The following AMDHD1 variants were observed in gnomAD, a reference collection of about 807,000 sequenced individuals.
The protein encoded by AMDHD1 is probable imidazolonepropionase.
A neutral mutation model predicts 44.1 loss-of-function variants in AMDHD1; 45 were observed. The observed-to-expected ratio is 1.02, with a 90% CI of 0.80 to 1.31. The LOEUF is 1.31. AMDHD1 is among the 50% of genes most tolerant of loss of function. The pLI is 0.00. For synonymous variants in AMDHD1, 206 were observed against 205.0 expected (o/e 1.00, Z -0.04); for missense variants, 586 against 552.1 (o/e 1.06, Z -0.61).
intron 6 of AMDHD1, 40 bp downstream of exon 6, chr12:95,962,519 C>A: frequency 6.4e-7 from 1 of 1,571,378 alleles, no homozygotes; most frequent in Admixed American, 1.8e-5. Context: ...GCTGCAAGTA[C>A]AAGCTGTGAA....
Position 95,968,046 on chromosome 12 carries a change from A to T in AMDHD1, c.*203A>T. The T allele has an allele frequency of 5.5e-6, 2 of 363,192 alleles. 1 individual carries two copies. The highest frequency in any genetic ancestry group is 1.2e-4 in the South Asian group (2 of 16,938). 22.5% of individuals were successfully genotyped at this position (363,192 alleles called of 1,614,324 possible). On this transcript the variant is annotated 3_prime_UTR_variant, in exon 9 of 9. Coordinates refer to ENST00000266736, the MANE Select transcript of AMDHD1 (RefSeq NM_152435.3). The stretch of plus-strand genomic sequence containing the variant: ...ATTTGACATATAAACAGGTAAACCT[A>T]TTGTGATTAAAATCACAAAACATCC...
In AMDHD1 at chr12:95,965,755, C is replaced by T; in HGVS notation, c.1008C>T (p.Asn336=). The T allele has an allele frequency of 6.2e-7, 1 of 1,612,266 alleles. No individual in the cohort carries two copies. Among genetic ancestry groups the T allele is most frequent in the African/African-American group, 1.3e-5 (1 of 75,014 alleles). ...GVIVALGSDF[N]PNAYCFSMPM... ...TAGTTGCTCTGGGAAGTGATTTCAACCCCAATGCATATTGCTTTTCAATGG... is the reference window on the plus strand; with the variant it reads ...TAGTTGCTCTGGGAAGTGATTTCAATCCCAATGCATATTGCTTTTCAATGG... The change falls in exon 7 of 9, where the codon AAC becomes AAT. Residue 336 remains asparagine (N), a synonymous_variant. Coordinates refer to ENST00000266736, the MANE Select transcript of AMDHD1 (RefSeq NM_152435.3).
chr12:95,960,594 G>A lies in AMDHD1; in HGVS notation c.784G>A (p.Asp262Asn), dbSNP rs1342331313. The change falls in exon 5 of 9, where the codon GAT (aspartate) becomes AAT (asparagine). Residue 262 changes from aspartate to asparagine, a missense_variant. Coordinates refer to ENST00000266736, the MANE Select transcript of AMDHD1 (RefSeq NM_152435.3). ...AGGGTTACAGATTAACTTCCATGGG[G>A]ATGAACTCCACCCGATGAAGGCTGC... ...DIGLQINFHG[D>N]ELHPMKAAEL... The A allele has an allele frequency of 6.2e-7, 1 of 1,614,202 alleles. No homozygotes were observed.
chr12:95,960,301 C>A, intron 4 of AMDHD1, 97 bp from the exon 5 acceptor site: 1 of 1,023,672 alleles, frequency 9.8e-7, no homozygotes, highest in Non-Finnish European at 1.4e-6. Flanking sequence ...AGTCATTTAC[C>A]TCTACTGCTC....
At chr12:95,954,573 T>TAAATAAATA (rs573443192) in intron 2 of AMDHD1, among the ~76,000 whole-genome samples, 3,904 of 147,122 alleles carry the variant, frequency 0.027, 169 homozygotes, top group African/African-American at 0.09. Flanking sequence ...TTCTCAAAAA[T>TAAATAAATA]AAATAAAATA....
chr12:95,943,505 T>G lies in AMDHD1; in HGVS notation c.107T>G (p.Val36Gly), dbSNP rs2080475954. Residue 36 changes from valine (V) to glycine (G), a missense_variant, in exon 1 of 9, where the codon GTG (valine) becomes GGG (glycine). Transcript: ENST00000266736. ...LARDALRSLA[V>G]LEGASLVVGK... is the part of the protein sequence containing the mutation. ...CGGGATGCGCTGCGCAGCCTGGCGG[T>G]GCTGGAAGGCGCCAGCCTGGTGGTG... 1 of 1,493,022 alleles carries G rather than the reference T, an allele frequency of 6.7e-7. No individual in the cohort carries two copies. The highest frequency in any genetic ancestry group is 1.5e-5 in the African/African-American group (1 of 68,650). The allele number at this position is 1,493,022 out of a possible 1,614,324, so 92.5% of individuals were successfully genotyped here. A position where few individuals can be genotyped will look rare whatever the true frequency, so the allele number is the denominator to read the frequency against.
At position 95,954,995 on chromosome 12, in the gene AMDHD1, G is replaced by T. The variant is rs2136763687; in HGVS notation, c.309+20G>T. The T allele has an allele frequency of 6.2e-7, 1 of 1,612,626 alleles. No individual in the cohort carries two copies. Among genetic ancestry groups the T allele is most frequent in the South Asian group, 1.1e-5 (1 of 90,978 alleles). On this transcript the variant is annotated intron_variant, in intron 3 of 8. Transcript: ENST00000266736. ...ATGAAGGTAACTGCAACAAATCATGGCAAATCAAAATAAAGCACAAATATG... is the reference window on the plus strand; with the variant it reads ...ATGAAGGTAACTGCAACAAATCATGTCAAATCAAAATAAAGCACAAATATG...
At chr12:95,955,095 T>C in intron 3 of AMDHD1, 120 bp downstream of exon 3, 1 of 988,588 alleles carries the variant, frequency 1.0e-6, no homozygotes, top group Non-Finnish European at 1.5e-6. Context: ...TGGATATTTT[T>C]ACTTGCTTGG....
rs1297430035 is a variant in AMDHD1 at position 95,960,542 on chromosome 12, A to G, written c.732A>G (p.Arg244=). The G allele has an allele frequency of 6.2e-7, 1 of 1,614,190 alleles. No individual in the cohort carries two copies. Residue 244 remains arginine, a synonymous_variant, in exon 5 of 9, where the codon AGA becomes AGG. Transcript: ENST00000266736. The part of the protein sequence containing the change: ...EKGVFDLDST[R]RILQRGKDIG... ...GTGTCTTTGATCTCGATTCCACCAG[A>G]AGGATTCTTCAACGTGGAAAAGATA... is the stretch of plus-strand genomic sequence containing the variant.
chr12:95,949,968 G>A (rs2080519029), intron 1 of AMDHD1, among the ~76,000 whole-genome samples: 3 of 152,160 alleles, frequency 2.0e-5, no homozygotes. Flanking sequence ...GGGTCAGGAA[G>A]AGGACCCAGT....
intron 1 of AMDHD1, among the ~76,000 whole-genome samples, chr12:95,948,348 T>A (rs367993898): frequency 3.5e-5 from 1 of 28,326 alleles, no homozygotes; most frequent in Non-Finnish European, 6.0e-5. Context: ...CCGCCCCGTC[T>A]GGGAGGGAGG....
At chr12:95,953,854 T>C (rs144890678) in intron 2 of AMDHD1, among the ~76,000 whole-genome samples, 1,605 of 152,276 alleles carry the variant, frequency 0.011, 24 homozygotes, top group Middle Eastern at 0.054. Context: ...GTGCTGGTAT[T>C]ATAGGCATGA....
At chr12:95,963,944 C>G (rs4762656) in intron 6 of AMDHD1, among the ~76,000 whole-genome samples, 80,946 of 151,046 alleles carry the variant, frequency 0.54, 22,242 homozygotes, top group African/African-American at 0.66. Flanking sequence ...CAGGAGAATC[C>G]CTTGAACCCA....
rs1270482807 is a variant in AMDHD1 at position 95,966,384 on chromosome 12, A to C, written c.1069A>C (p.Met357Leu). 2 of 1,614,236 alleles carry C rather than the reference A, an allele frequency of 1.2e-6. No individual in the cohort carries two copies. Among genetic ancestry groups the C allele is most frequent in the Non-Finnish European group, 1.7e-6 (2 of 1,180,046 alleles). Residue 357 changes from methionine (M) to leucine (L), a missense_variant, in exon 8 of 9, where the codon ATG becomes CTG. Coordinates refer to ENST00000266736, the MANE Select transcript of AMDHD1 (RefSeq NM_152435.3). ...GCATCTGGCCTGTGTAAACATGAGA[A>C]TGTCCATGCCTGAGGCCTTGGCCGC... The part of the protein sequence containing the change: ...VMHLACVNMR[M>L]SMPEALAAAT...
rs568879403 is a variant in AMDHD1 at position 95,968,405 on chromosome 12, GA to G, written c.*563del. ...TAAGGTCTTCTCAATCTCAGCAATA[GA>G]GCTTCCCAGCAGCGTTCAAGACACA... On this transcript the variant is annotated 3_prime_UTR_variant, in exon 9 of 9. Coordinates refer to ENST00000266736, the MANE Select transcript of AMDHD1 (RefSeq NM_152435.3). The G allele has an allele frequency of 9.2e-5, 14 of 152,840 alleles. No individual in the cohort carries two copies. Among genetic ancestry groups the G allele is most frequent in the African/African-American group, 3.1e-4 (13 of 41,558 alleles). The allele number at this position is 152,840 out of a possible 1,614,324, so 9.5% of individuals were successfully genotyped here.
chr12:95,949,592 C>T (rs1305882135), intron 1 of AMDHD1, among the ~76,000 whole-genome samples: 1 of 152,148 alleles, frequency 6.6e-6, no homozygotes, highest in Non-Finnish European at 1.5e-5. Context: ...GTCACTCAAA[C>T]CCCATCATTA....
Position 95,960,436 on chromosome 12 carries a change from A to T in AMDHD1, c.626A>T (p.Asn209Ile). Residue 209 changes from asparagine to isoleucine, a missense_variant, in exon 5 of 9, where the codon AAT becomes ATT. By Grantham distance (149) the Asn-to-Ile change is moderately radical (BLOSUM62 -3). Transcript: ENST00000266736. ...ACTGAAGCTGCTGATGACATCATCA[A>T]TAACCACCTCCCAAAGCTGAAGGAA... Reference protein sequence around the residue: ...TATEAADDIINNHLPKLKELG... With the variant: ...TATEAADDIIINHLPKLKELG... The T allele has an allele frequency of 1.2e-6, 2 of 1,614,224 alleles. No homozygotes were observed. Among genetic ancestry groups the T allele is most frequent in the South Asian group, 1.1e-5 (1 of 91,080 alleles).
At chr12:95,951,259 G>A (rs2080524769) in intron 1 of AMDHD1, among the ~76,000 whole-genome samples, 1 of 151,836 alleles carries the variant, frequency 6.6e-6, no homozygotes, top group Non-Finnish European at 1.5e-5. Flanking sequence ...CCAGCCTCTG[G>A]TAACCATCAT....
chr12:95,946,061 C>CTGTGTGTGTGTGTGTG (rs56658923), intron 1 of AMDHD1, among the ~76,000 whole-genome samples: 9 of 122,486 alleles, frequency 7.3e-5, no homozygotes, highest in African/African-American at 2.1e-4. Context: ...CTCTTTCTCT[C>CTGTGTGTGTGTGTGTG]TGTGTGTGTG....
Sources: allele counts gnomAD v4.1 joint callset (sites outside exome capture counted in the v4.1 genomes callset), GRCh38; gene constraint gnomAD v4.1.1; transcripts MANE v1.5; gene names NCBI Gene and HGNC (gene_info 2026-07-23, HGNC 2026-07-21).